IRF5: variants seen among roughly 807,000 people sequenced by gnomAD.
The protein encoded by IRF5 is interferon regulatory factor 5.
A neutral mutation model predicts 55.1 loss-of-function variants in IRF5; 24 were observed. The observed-to-expected ratio is 0.44, with a 90% CI of 0.32 to 0.61. The LOEUF (loss-of-function observed/expected upper bound fraction) is 0.61. Among genes scored for constraint, IRF5 ranks in the 20% least tolerant of loss-of-function variants. The probability of loss-of-function intolerance (pLI) is 0.07; values close to 1 mark genes in which losing one functional copy is unlikely to be tolerated. For synonymous variants in IRF5, 258 were observed against 260.2 expected (o/e 0.99, Z 0.08); for missense variants, 499 against 658.5 (o/e 0.76, Z 2.65).
At chr7:128,943,508 G>T (rs1327421637) in intron 2 of IRF5, among the ~76,000 whole-genome samples, 1 of 150,230 alleles carries the variant, frequency 6.7e-6, no homozygotes, top group African/African-American at 2.5e-5. Context: ...CTGAGTAGCC[G>T]TGACTACAGG....
At position 128,942,260 on chromosome 7, in the gene IRF5, A is replaced by G. The variant is rs201487893; in HGVS notation, c.179A>G (p.Asp60Gly). Residue 60 changes from aspartate (D) to glycine (G), a missense_variant, in exon 2 of 9, where the codon GAT becomes GGT. Physicochemically the swap from Asp to Gly is moderately conservative, Grantham distance 94. Transcript: ENST00000357234. ...ATRHGPSQDG[D>G]NTIFKAWAKE... ...AGGCATGGTCCCAGCCAGGACGGAGATAACACCATCTTCAAGGTAAGCCCC... is the reference window on the plus strand; with the variant it reads ...AGGCATGGTCCCAGCCAGGACGGAGGTAACACCATCTTCAAGGTAAGCCCC... The G allele has an allele frequency of 9.5e-5, 153 of 1,612,870 alleles. No homozygotes were observed. The East Asian group carries it at 3.1e-3, about 33-fold the overall frequency.
At position 128,948,188 on chromosome 7, in the gene IRF5, A is replaced by G; in HGVS notation, c.1181-22A>G. The G allele has an allele frequency of 6.2e-7, 1 of 1,611,950 alleles. No individual in the cohort carries two copies. The highest frequency in any genetic ancestry group is 2.2e-5 in the East Asian group (1 of 44,862). ...CAGGGCATGGTTCCAGCCTCTGACT[A>G]GGGACCTTGATTTTGATGCAGAGCT... On this transcript the variant is annotated intron_variant, in intron 7 of 8. Coordinates refer to ENST00000357234, the MANE Select transcript of IRF5 (RefSeq NM_001098629.3). The surrounding 1 kb of genome is among the most constrained non-coding windows in gnomAD (Gnocchi z 4.6).
rs1448410615 is a variant in IRF5 at position 128,948,251 on chromosome 7, C to G, written c.1222C>G (p.Pro408Ala). 2 of 1,613,848 alleles carry G rather than the reference C, an allele frequency of 1.2e-6. No individual in the cohort carries two copies. The highest frequency in any genetic ancestry group is 1.7e-4 in the Middle Eastern group (1 of 6,054). The change falls in exon 8 of 9, where the codon CCC (proline) becomes GCC (alanine). Residue 408 changes from proline (P) to alanine (A), a missense_variant. Physicochemically the swap from Pro to Ala is conservative, Grantham distance 27. Around this residue, in one of 2 missense-constraint regions of IRF5, gnomAD observed 194 missense variants for 318.3 expected, o/e 0.61. Transcript: ENST00000357234. The surrounding 1 kb of genome is among the most constrained non-coding windows in gnomAD (Gnocchi z 4.6). ...AAAGGGCCAGACCAACACCCCACCA[C>G]CCTTCGAGATCTTCTTCTGCTTTGG... is the stretch of plus-strand genomic sequence containing the variant. ...FQKGQTNTPP[P>A]FEIFFCFGEE...
chr7:128,942,894 T>C (rs1362284578), intron 2 of IRF5, among the ~76,000 whole-genome samples: 4 of 152,102 alleles, frequency 2.6e-5, no homozygotes, highest in African/African-American at 9.7e-5. Context: ...ATCTCAAACA[T>C]TTGTCATTTC....
chr7:128,947,416 C>A lies in IRF5; in HGVS notation c.668C>A (p.Pro223His). The change falls in exon 6 of 9, where the codon CCT becomes CAT. Residue 223 changes from proline to histidine, a missense_variant. Pro to His is a moderately conservative substitution (Grantham distance 77). Around this residue, in one of 2 missense-constraint regions of IRF5, gnomAD observed 305 missense variants for 340.2 expected, o/e 0.90. Coordinates refer to ENST00000357234, the MANE Select transcript of IRF5 (RefSeq NM_001098629.3). The surrounding 1 kb of genome is among the most constrained non-coding windows in gnomAD (Gnocchi z 6.5). ...CCCCTGGCTCCTCCCCCTGGCAACCCTGCTGGCTTCAGGGAGCTTCTCTCT... is the reference window on the plus strand; with the variant it reads ...CCCCTGGCTCCTCCCCCTGGCAACCATGCTGGCTTCAGGGAGCTTCTCTCT... ...PSPLAPPPGNPAGFRELLSEV... is the reference protein window; with the variant it reads ...PSPLAPPPGNHAGFRELLSEV... 6.2e-7 allele frequency: 1 copy of A among 1,611,404 alleles called. No individual in the cohort carries two copies. The highest frequency in any genetic ancestry group is 8.5e-7 in the Non-Finnish European group (1 of 1,179,250).
In IRF5 at chr7:128,948,054, C is replaced by A. The variant is rs751082848; in HGVS notation, c.1113C>A (p.Asp371Glu). The change falls in exon 7 of 9, where the codon GAC becomes GAA. Residue 371 changes from aspartate (D) to glutamate (E), a missense_variant. Transcript: ENST00000357234. The surrounding 1 kb of genome is among the most constrained non-coding windows in gnomAD (Gnocchi z 4.6). ...GCGGGCCTTGTGCCTCAGCCCATGA[C>A]TCATGCCCCAACCCCATCCAGCGGG... ...FWSGPCASAH[D>E]SCPNPIQREV... is the part of the protein sequence containing the mutation. 6.2e-7 allele frequency: 1 copy of A among 1,614,196 alleles called. No individual in the cohort carries two copies. The highest frequency in any genetic ancestry group is 8.5e-7 in the Non-Finnish European group (1 of 1,180,030).
Position 128,948,929 on chromosome 7 carries a change from G to A in IRF5, c.*111G>A, listed in dbSNP as rs1450551307. On this transcript the variant is annotated 3_prime_UTR_variant, in exon 9 of 9. Transcript: ENST00000357234. This position sits in a 1 kb window ranked among gnomAD's most constrained non-coding sequence, Gnocchi z 4.6. Reference sequence around the variant, plus strand: ...GCTGGCTGCAGGGTCCTACCTCTGGGTTTCCTGGAAGTGGATTTGGGCCAA... The same window carrying A: ...GCTGGCTGCAGGGTCCTACCTCTGGATTTCCTGGAAGTGGATTTGGGCCAA... The A allele has an allele frequency of 1.8e-5, 25 of 1,361,300 alleles. No homozygotes were observed. The highest frequency in any genetic ancestry group is 2.4e-5 in the Non-Finnish European group (24 of 1,010,250). The allele number at this position is 1,361,300 out of a possible 1,614,324, so 84.3% of individuals were successfully genotyped here. A position where few individuals can be genotyped will look rare whatever the true frequency, so the allele number is the denominator to read the frequency against.
chr7:128,948,695 C>T lies in IRF5; in HGVS notation c.1422C>T (p.Phe474=), dbSNP rs757342952. 6.2e-7 allele frequency: 1 copy of T among 1,614,146 alleles called. No individual in the cohort carries two copies. Among genetic ancestry groups the T allele is most frequent in the South Asian group, 1.1e-5 (1 of 91,090 alleles). ...TCAAAGACCGCATGGTGGAGCAATTCAAGGAGCTCCATCACATCTGGCAGT... is the reference window on the plus strand; with the variant it reads ...TCAAAGACCGCATGGTGGAGCAATTTAAGGAGCTCCATCACATCTGGCAGT... ...PDLKDRMVEQ[F]KELHHIWQSQ... The change falls in exon 9 of 9, where the codon TTC becomes TTT. Residue 474 remains phenylalanine (F), a synonymous_variant. Coordinates refer to ENST00000357234, the MANE Select transcript of IRF5 (RefSeq NM_001098629.3). This position sits in a 1 kb window ranked among gnomAD's most constrained non-coding sequence, Gnocchi z 4.6.
chr7:128,937,249 A>C (rs1795806600), upstream of IRF5, among the ~76,000 whole-genome samples: 3 of 151,188 alleles, frequency 2.0e-5, no homozygotes, highest in South Asian at 6.3e-4. Flanking sequence ...AGAACATTCC[A>C]TGAGAAGGAA....
intron 2 of IRF5, among the ~76,000 whole-genome samples, chr7:128,945,575 C>T (rs539909928): frequency 6.6e-6 from 1 of 152,316 alleles, no homozygotes; most frequent in African/African-American, 2.4e-5. Context: ...ACGCTGTCCT[C>T]CTTAGAGATC....
chr7:128,947,761 G>T lies in IRF5; in HGVS notation c.820G>T (p.Gly274Trp). The T allele has an allele frequency of 6.2e-7, 1 of 1,611,824 alleles. No homozygotes were observed. Residue 274 changes from glycine to tryptophan, a missense_variant, in exon 7 of 9, where the codon GGG becomes TGG. Coordinates refer to ENST00000357234, the MANE Select transcript of IRF5 (RefSeq NM_001098629.3). The surrounding 1 kb of genome is among the most constrained non-coding windows in gnomAD (Gnocchi z 6.5). ...TDLEIKFQYR[G>W]RPPRALTISN... is the part of the protein sequence containing the mutation. Reference sequence around the variant, plus strand: ...CCTGGAGATCAAGTTTCAGTACCGGGGGCGGCCACCCCGGGCCCTCACCAT... The same window carrying T: ...CCTGGAGATCAAGTTTCAGTACCGGTGGCGGCCACCCCGGGCCCTCACCAT...
intron 2 of IRF5, among the ~76,000 whole-genome samples, chr7:128,945,153 G>A (rs887349998): frequency 5.3e-5 from 8 of 152,078 alleles, no homozygotes; most frequent in Admixed American, 2.6e-4. Flanking sequence ...TCACTCTGTC[G>A]TCCAGGCTGG....
chr7:128,943,912 G>C (rs1396467935), intron 2 of IRF5, among the ~76,000 whole-genome samples: 1 of 151,730 alleles, frequency 6.6e-6, no homozygotes, highest in Non-Finnish European at 1.5e-5. Flanking sequence ...GTCTCACTTT[G>C]TTGCCCAGGC....
chr7:128,941,935 T>C (rs1358108047), intron 1 of IRF5, 136 bp from the exon 2 acceptor site: 10 of 595,890 alleles, frequency 1.7e-5, no homozygotes, highest in Non-Finnish European at 2.8e-5. Flanking sequence ...AGCTGATGCT[T>C]GGAAAAGAGA....
In IRF5 at chr7:128,948,132, A is replaced by G. The variant is rs1477169733; in HGVS notation, c.1180+11A>G. 2 of 1,613,052 alleles carry G rather than the reference A, an allele frequency of 1.2e-6. No homozygotes were observed. The highest frequency in any genetic ancestry group is 1.7e-5 in the Admixed American group (1 of 59,996). ...AGCATTTTCTCAATGGTGAGGGCCCAAAGCTGTGATCCTCCTGGCTGCCTC... is the reference window on the plus strand; with the variant it reads ...AGCATTTTCTCAATGGTGAGGGCCCGAAGCTGTGATCCTCCTGGCTGCCTC... On this transcript the variant is annotated intron_variant, in intron 7 of 8. Transcript: ENST00000357234. This position sits in a 1 kb window ranked among gnomAD's most constrained non-coding sequence, Gnocchi z 4.6.
chr7:128,940,005 T>C (rs1795934151), intron 1 of IRF5, among the ~76,000 whole-genome samples: 1 of 152,180 alleles, frequency 6.6e-6, no homozygotes. Flanking sequence ...TGGATGCTGT[T>C]CGGGTTAGAG....
Position 128,937,960 on chromosome 7 carries a change from G to C in IRF5, c.-101G>C, listed in dbSNP as rs1795823749. On this transcript the variant is annotated 5_prime_UTR_variant, in exon 1 of 9. Coordinates refer to ENST00000357234, the MANE Select transcript of IRF5 (RefSeq NM_001098629.3). ...GAAGTGCCCGGCAGGTTGGCGGACC[G>C]GCGGGAGGCGCAGCCTGGGCAGAGC... 6.6e-6 allele frequency: 1 copy of C among 152,362 alleles called. No homozygotes were observed. The highest frequency in any genetic ancestry group is 2.4e-5 in the African/African-American group (1 of 41,554). The allele number at this position is 152,362 out of a possible 1,614,324, so 9.4% of individuals were successfully genotyped here.
In IRF5 at chr7:128,948,182, C is replaced by G. The variant is rs1359976242; in HGVS notation, c.1181-28C>G. On this transcript the variant is annotated intron_variant, in intron 7 of 8. Transcript: ENST00000357234. The surrounding 1 kb of genome is among the most constrained non-coding windows in gnomAD (Gnocchi z 4.6). ...CTTGCCCAGGGCATGGTTCCAGCCT[C>G]TGACTAGGGACCTTGATTTTGATGC... The G allele has an allele frequency of 6.2e-7, 1 of 1,611,734 alleles. No homozygotes were observed. The highest frequency in any genetic ancestry group is 1.3e-5 in the African/African-American group (1 of 74,874).
In IRF5 at chr7:128,949,034, C is replaced by T. The variant is rs547203136; in HGVS notation, c.*216C>T. The T allele has an allele frequency of 1.7e-6, 1 of 589,538 alleles. No homozygotes were observed. Among genetic ancestry groups the T allele is most frequent in the African/African-American group, 1.9e-5 (1 of 53,836 alleles). 36.5% of individuals were successfully genotyped at this position (589,538 alleles called of 1,614,324 possible). A position where few individuals can be genotyped will look rare whatever the true frequency, so the allele number is the denominator to read the frequency against. On this transcript the variant is annotated 3_prime_UTR_variant, in exon 9 of 9. Coordinates refer to ENST00000357234, the MANE Select transcript of IRF5 (RefSeq NM_001098629.3). ...GCTGTCTCTGGTCTGGTCAGCCTGG[C>T]TCTCGGGAAATTCAGCCATGAGCAG... is the stretch of plus-strand genomic sequence containing the variant.
Sources: allele counts gnomAD v4.1 joint callset (sites outside exome capture counted in the v4.1 genomes callset), GRCh38; gene constraint gnomAD v4.1.1; regional missense constraint gnomAD v4.1.1; non-coding constraint Gnocchi (gnomAD v3.1); transcripts MANE v1.5; gene names NCBI Gene and HGNC (gene_info 2026-07-23, HGNC 2026-07-21).